Variants in WFDC8 observed in about 807,000 individuals in gnomAD.
WFDC8 encodes the protein WAP four-disulfide core domain 8.
In WFDC8, 24 loss-of-function variants were observed where a neutral mutation model predicts 27.0. The ratio of observed to expected loss-of-function variants is 0.89; its 90% CI spans 0.64 to 1.25. The LOEUF (loss-of-function observed/expected upper bound fraction) is 1.25. Among genes scored for constraint, WFDC8 ranks in the 50% most tolerant of loss-of-function variants. The pLI is 0.00. For missense variants in WFDC8, 287 were observed against 295.9 expected, an observed-to-expected ratio of 0.97 and a Z score of 0.22; for synonymous variants, 106 against 99.7, an observed-to-expected ratio of 1.06 and a Z score of -0.38.
In WFDC8 at chr20:45,574,360, G is replaced by A. The variant is rs539050304; in HGVS notation, c.26+4862C>T. 5.9e-5 allele frequency among the ~76,000 whole-genome samples: 9 copies of A among 151,572 alleles called. No homozygotes were observed. The South Asian group carries it at 1.9e-3, about 32-fold the overall frequency. On this transcript the variant is annotated intron_variant, in intron 1 of 5. Coordinates refer to ENST00000289953, the MANE Select transcript of WFDC8 (RefSeq NM_130896.3). ...AATTCTTTCAAACTCATTTTATGAGGCCAGCATTATTCTAATACCAAAGCC... is the reference window on the plus strand; with the variant it reads ...AATTCTTTCAAACTCATTTTATGAGACCAGCATTATTCTAATACCAAAGCC...
In WFDC8 at chr20:45,555,858, C is replaced by A. The variant is rs1233789146; in HGVS notation, c.288G>T (p.Met96Ile). 1 of 1,613,746 alleles carries A rather than the reference C, an allele frequency of 6.2e-7. No individual in the cohort carries two copies. The highest frequency in any genetic ancestry group is 1.3e-5 in the African/African-American group (1 of 74,868). ...KCMDPFQEPC[M>I]LPVRHGNCNH... Reference sequence around the variant, plus strand: ...TACAGTTTCCATGCCTCACAGGTAGCATGCAGGGTTCTGAGGTCAGGAAGC... The same window carrying A: ...TACAGTTTCCATGCCTCACAGGTAGAATGCAGGGTTCTGAGGTCAGGAAGC... Residue 96 changes from methionine to isoleucine, a missense_variant, in exon 4 of 6, where the codon ATG becomes ATT. Transcript: ENST00000289953.
Position 45,553,128 on chromosome 20 carries a change from A to G in WFDC8, c.586+8T>C, listed in dbSNP as rs543837354. On this transcript the variant is annotated splice_region_variant and intron_variant, in intron 5 of 5. Transcript: ENST00000289953. ...AATAGATTTGGGAGGTATATCCCCA[A>G]TCCTTACCTGTCCAGGCCCTGGCAC... 1.9e-6 allele frequency: 3 copies of G among 1,610,394 alleles called. No individual in the cohort carries two copies. Among genetic ancestry groups the G allele is most frequent in the Non-Finnish European group, 2.5e-6 (3 of 1,178,510 alleles).
At chr20:45,559,239 T>A (rs1045911780) in intron 2 of WFDC8, among the ~76,000 whole-genome samples, 8 of 152,180 alleles carry the variant, frequency 5.3e-5, no homozygotes, top group African/African-American at 1.4e-4. Context: ...GGAAAGGGGT[T>A]AGAAAGGGAC....
chr20:45,558,801 T>C (rs755805264), intron 3 of WFDC8, 51 bp downstream of exon 3: 2 of 1,609,120 alleles, frequency 1.2e-6, no homozygotes, highest in East Asian at 2.2e-5. Context: ...CAGCCAGTTT[T>C]GGACAGAGCA....
chr20:45,558,964 C>G lies in WFDC8; in HGVS notation c.165G>C (p.Arg55Ser). ...KHKPGLCPKE[R>S]LTCTTELPDS... is the part of the protein sequence containing the mutation. ...CCGGAAGTTCAGTGGTACAGGTGAG[C>G]CTCTCTTTGGGACATAACCCTGGTT... The change falls in exon 3 of 6, where the codon AGG becomes AGC. Residue 55 changes from arginine to serine, a missense_variant. Coordinates refer to ENST00000289953, the MANE Select transcript of WFDC8 (RefSeq NM_130896.3). The G allele has an allele frequency of 6.2e-7, 1 of 1,614,150 alleles. No homozygotes were observed. Among genetic ancestry groups the G allele is most frequent in the Non-Finnish European group, 8.5e-7 (1 of 1,180,004 alleles).
intron 3 of WFDC8, among the ~76,000 whole-genome samples, chr20:45,556,661 G>T (rs1980268417): frequency 6.6e-6 from 1 of 152,110 alleles, no homozygotes; most frequent in Non-Finnish European, 1.5e-5. Flanking sequence ...CCATTCTATG[G>T]TCATCCAGCA....
chr20:45,578,982 C>T (rs147138687), intron 1 of WFDC8, among the ~76,000 whole-genome samples: 222 of 152,184 alleles, frequency 1.5e-3, no homozygotes, highest in African/African-American at 4.9e-3. Flanking sequence ...TGGCGCACAC[C>T]TGTAGTCCCA....
intron 3 of WFDC8, among the ~76,000 whole-genome samples, chr20:45,557,439 T>G (rs6017615): frequency 0.38 from 58,242 of 151,980 alleles, 11,632 homozygotes; most frequent in Non-Finnish European, 0.43. Flanking sequence ...CTTTTGTTTT[T>G]TTTTGTTTTT....
chr20:45,576,741 C>A (rs1482556720), intron 1 of WFDC8, among the ~76,000 whole-genome samples: 1 of 151,468 alleles, frequency 6.6e-6, no homozygotes, highest in African/African-American at 2.4e-5. Flanking sequence ...TATACTCTCT[C>A]TTCTTTGTTT....
intron 4 of WFDC8, 105 bp downstream of exon 4, chr20:45,555,596 G>A (rs1980210589): frequency 2.2e-6 from 3 of 1,342,856 alleles, no homozygotes; most frequent in Admixed American, 1.9e-5. Context: ...ACAGAGCTAA[G>A]TCTTGAACCA....
At chr20:45,559,098 C>G in intron 2 of WFDC8, 106 bp from the exon 3 acceptor site, 1 of 1,405,856 alleles carries the variant, frequency 7.1e-7, no homozygotes, top group Non-Finnish European at 9.8e-7. Flanking sequence ...CCTCTACCTT[C>G]GATTCTTAGT....
intron 1 of WFDC8, among the ~76,000 whole-genome samples, chr20:45,571,029 C>T (rs1980848421): frequency 6.6e-6 from 1 of 152,100 alleles, no homozygotes; most frequent in East Asian, 1.9e-4. Flanking sequence ...TCCTTGGTTT[C>T]TGAGCCTGCT....
chr20:45,556,650 A>G (rs976990305), intron 3 of WFDC8, among the ~76,000 whole-genome samples: 6 of 152,218 alleles, frequency 3.9e-5, no homozygotes, highest in African/African-American at 1.4e-4. Flanking sequence ...CTCAACGTCA[A>G]CCATTCTATG....
intron 1 of WFDC8, among the ~76,000 whole-genome samples, chr20:45,564,656 T>TAG (rs1160753431): frequency 2.2e-5 from 3 of 137,114 alleles, no homozygotes; most frequent in Non-Finnish European, 4.6e-5. Context: ...GCCTGGGCAA[T>TAG]AGAGAGAGAC....
In WFDC8 at chr20:45,553,200, A is replaced by C; in HGVS notation, c.522T>G (p.Asp174Glu). 1.2e-6 allele frequency: 2 copies of C among 1,613,928 alleles called. No homozygotes were observed. Among genetic ancestry groups the C allele is most frequent in the Non-Finnish European group, 1.7e-6 (2 of 1,179,824 alleles). ...ECPPSCHSDI[D>E]CPQTDKCCES... The stretch of plus-strand genomic sequence containing the variant: ...CACAACATTTGTCTGTCTGGGGACA[A>C]TCGATGTCACTGTGACATGAAGGTG... The change falls in exon 5 of 6, where the codon GAT (aspartate) becomes GAG (glutamate). Residue 174 changes from aspartate to glutamate, a missense_variant. Physicochemically the swap from Asp to Glu is conservative, Grantham distance 45. Coordinates refer to ENST00000289953, the MANE Select transcript of WFDC8 (RefSeq NM_130896.3).
chr20:45,551,626 AAAAAAAG>A (rs538347423), downstream of WFDC8: 176 of 152,938 alleles, frequency 1.2e-3, no homozygotes, highest in African/African-American at 4.0e-3. Flanking sequence ...ACAAAAAAAA[AAAAAAAG>A]AAAGAAAGAA....
intron 1 of WFDC8, among the ~76,000 whole-genome samples, chr20:45,572,608 T>C (rs906344826): frequency 6.6e-6 from 1 of 151,628 alleles, no homozygotes; most frequent in African/African-American, 2.4e-5. Flanking sequence ...TTTACTAACT[T>C]ACTTATTTAT....
intron 1 of WFDC8, among the ~76,000 whole-genome samples, chr20:45,577,977 A>G (rs970727164): frequency 6.6e-6 from 1 of 150,424 alleles, no homozygotes. Flanking sequence ...ACTATGCTCC[A>G]GCCTGGGGGA....
intron 1 of WFDC8, among the ~76,000 whole-genome samples, chr20:45,564,311 T>C: frequency 6.6e-6 from 1 of 152,136 alleles, no homozygotes; most frequent in South Asian, 2.1e-4. Context: ...CGGTGGCTCA[T>C]GTTTGTAATC....
Sources: allele counts gnomAD v4.1 joint callset (sites outside exome capture counted in the v4.1 genomes callset), GRCh38; gene constraint gnomAD v4.1.1; transcripts MANE v1.5; gene names NCBI Gene and HGNC (gene_info 2026-07-23, HGNC 2026-07-21).